SGCZ: variants seen among roughly 807,000 people sequenced by gnomAD.
The protein encoded by SGCZ is sarcoglycan zeta, also known as zeta-sarcoglycan.
SGCZ carries 40 observed loss-of-function variants against 41.3 expected under a neutral mutation model. The observed-to-expected ratio is 0.97, with a 90% CI of 0.75 to 1.26. SGCZ has a LOEUF of 1.26. Among genes scored for constraint, SGCZ ranks in the 50% most tolerant of loss-of-function variants. The pLI is 0.00. For synonymous variants in SGCZ, 206 were observed against 137.5 expected (o/e 1.50, Z -3.49); for missense variants, 552 against 369.8 (o/e 1.49, Z -4.04).
chr8:14,423,578 G>C (rs1375800909), intron 2 of SGCZ, among the ~76,000 whole-genome samples: 1 of 152,008 alleles, frequency 6.6e-6, no homozygotes, highest in African/African-American at 2.4e-5. Context: ...CACCATACCT[G>C]GCTAATTTTG....
At chr8:14,351,899 T>C (rs1224772035) in intron 2 of SGCZ, among the ~76,000 whole-genome samples, 1 of 152,090 alleles carries the variant, frequency 6.6e-6, no homozygotes, top group African/African-American at 2.4e-5. Flanking sequence ...AAACCCATGC[T>C]TTTTATATGA....
In SGCZ at chr8:14,978,470, C is replaced by CAAAAAAAAAAAAAAAA. The variant is rs59543494; in HGVS notation, c.39+259099_39+259114dup. ...TGGAGGACCGAGTGAGACACCGTCA[C>CAAAAAAAAAAAAAAAA]AAAAAAAAAAAAAAAAAAAAAAAAA... On this transcript the variant is annotated intron_variant, in intron 1 of 7. Coordinates refer to ENST00000382080, the MANE Select transcript of SGCZ (RefSeq NM_139167.4). Among the ~76,000 whole-genome samples the CAAAAAAAAAAAAAAAA allele has an allele frequency of 2.9e-4, 18 of 62,824 alleles. 2 individuals carry two copies. Among genetic ancestry groups the CAAAAAAAAAAAAAAAA allele is most frequent in the African/African-American group, 1.2e-3 (14 of 12,050 alleles). The allele number at this position is 62,824 out of a possible 152,430, so 41.2% of individuals were successfully genotyped here.
intron 1 of SGCZ, among the ~76,000 whole-genome samples, chr8:15,052,607 G>C (rs1022256855): frequency 6.6e-6 from 1 of 152,030 alleles, no homozygotes; most frequent in Non-Finnish European, 1.5e-5. Flanking sequence ...TCGTCATGTG[G>C]AGATGTTCCC....
At chr8:15,038,714 T>C (rs1442747776) in intron 1 of SGCZ, among the ~76,000 whole-genome samples, 5 of 147,422 alleles carry the variant, frequency 3.4e-5, no homozygotes, top group Admixed American at 2.8e-4. Context: ...TCACTTCTGA[T>C]AAGGAGTTAA....
At chr8:14,136,008 CA>C (rs1252895554) in intron 5 of SGCZ, among the ~76,000 whole-genome samples, 1 of 151,860 alleles carries the variant, frequency 6.6e-6, no homozygotes, top group Non-Finnish European at 1.5e-5. Flanking sequence ...CAAACCAGAC[CA>C]AAAAAATAGT....
At chr8:14,291,279 A>T (rs1350373981) in intron 3 of SGCZ, among the ~76,000 whole-genome samples, 2 of 152,094 alleles carry the variant, frequency 1.3e-5, no homozygotes, top group African/African-American at 4.8e-5. Context: ...GTACATTTCA[A>T]AATAGCTAGA....
intron 1 of SGCZ, among the ~76,000 whole-genome samples, chr8:14,986,666 T>G (rs1563412712): frequency 6.6e-6 from 1 of 152,026 alleles, no homozygotes; most frequent in Admixed American, 6.6e-5. Flanking sequence ...ATACAACAGT[T>G]TTAAGAGACT....
chr8:15,107,096 A>T (rs1436091571), intron 1 of SGCZ, among the ~76,000 whole-genome samples: 1 of 152,166 alleles, frequency 6.6e-6, no homozygotes, highest in African/African-American at 2.4e-5. Context: ...TTAATGCACC[A>T]TTCTTTTCTA....
In SGCZ at chr8:14,868,803, G is replaced by A. The variant is rs912968985; in HGVS notation, c.40-313877C>T. ...ATACAAACTACCATCAGAGAGTACT[G>A]CAAACACCTCTACGCAAATAAATTT... On this transcript the variant is annotated intron_variant, in intron 1 of 7. Coordinates refer to ENST00000382080, the MANE Select transcript of SGCZ (RefSeq NM_139167.4). Among the ~76,000 whole-genome samples the A allele has an allele frequency of 2.2e-4, 33 of 152,114 alleles. 1 individual carries two copies. The highest frequency in any genetic ancestry group is 7.7e-4 in the African/African-American group (32 of 41,508).
chr8:14,798,587 C>A (rs528549385), intron 1 of SGCZ, among the ~76,000 whole-genome samples: 1 of 152,148 alleles, frequency 6.6e-6, no homozygotes, highest in East Asian at 1.9e-4. Flanking sequence ...TGCTTCAGCA[C>A]TTTATACTGT....
At chr8:14,169,442 G>A (rs1246336034) in intron 4 of SGCZ, among the ~76,000 whole-genome samples, 1 of 152,078 alleles carries the variant, frequency 6.6e-6, no homozygotes, top group Admixed American at 6.5e-5. Context: ...TTCCAAGTCA[G>A]TAAATTAAGG....
chr8:14,864,791 A>T (rs1803869473), intron 1 of SGCZ, among the ~76,000 whole-genome samples: 1 of 152,094 alleles, frequency 6.6e-6, no homozygotes, highest in Non-Finnish European at 1.5e-5. Flanking sequence ...TCCCACCAAC[A>T]GTATATAAGA....
At chr8:14,431,836 G>T (rs538148312) in intron 2 of SGCZ, among the ~76,000 whole-genome samples, 1 of 151,936 alleles carries the variant, frequency 6.6e-6, no homozygotes, top group African/African-American at 2.4e-5. Context: ...AAATTAGCAA[G>T]AATAAAACAA....
At chr8:14,790,804 G>A (rs1400642171) in intron 1 of SGCZ, among the ~76,000 whole-genome samples, 1 of 152,152 alleles carries the variant, frequency 6.6e-6, no homozygotes. Context: ...GTCAAGGTGG[G>A]TGGATTACCT....
chr8:14,412,387 T>C (rs1394921731), intron 2 of SGCZ, among the ~76,000 whole-genome samples: 3 of 152,144 alleles, frequency 2.0e-5, no homozygotes, highest in Non-Finnish European at 2.9e-5. Context: ...TGTTTCCCTT[T>C]AGATCACTGG....
chr8:14,720,647 C>G (rs1295054717), intron 1 of SGCZ, among the ~76,000 whole-genome samples: 3 of 152,012 alleles, frequency 2.0e-5, no homozygotes, highest in Admixed American at 2.0e-4. Context: ...TAAGTTTTAT[C>G]ACAACCCAGC....
chr8:14,349,870 A>T, intron 2 of SGCZ, among the ~76,000 whole-genome samples: 1 of 152,164 alleles, frequency 6.6e-6, no homozygotes, highest in East Asian at 1.9e-4. Flanking sequence ...GAAATCATAT[A>T]TCCCTTTTAC....
At chr8:14,456,138 G>A (rs771397907) in intron 2 of SGCZ, among the ~76,000 whole-genome samples, 21 of 152,116 alleles carry the variant, frequency 1.4e-4, no homozygotes, top group Non-Finnish European at 2.4e-4. Flanking sequence ...GACACGCACG[G>A]TGGCTCACAC....
At chr8:15,231,704 C>A (rs987193533) in intron 1 of SGCZ, among the ~76,000 whole-genome samples, 4 of 149,032 alleles carry the variant, frequency 2.7e-5, no homozygotes, top group Non-Finnish European at 5.9e-5. Context: ...TCACTGCAAC[C>A]TCCGCCTCCC....
Sources: gnomAD v4.1 joint callset for allele counts (sites outside exome capture counted in the v4.1 genomes callset) on GRCh38, gnomAD v4.1.1 for gene constraint, MANE v1.5 for transcripts, NCBI Gene and HGNC (gene_info 2026-07-23, HGNC 2026-07-21) for gene names.